Variants in SOCS2 observed in about 807,000 individuals in gnomAD.
SOCS2 encodes the protein CIS-2.
SOCS2 carries 10 observed loss-of-function variants against 18.6 expected under a neutral mutation model. That is an observed-to-expected ratio of 0.54 (90% CI 0.33 to 0.91). SOCS2 has a LOEUF of 0.91. SOCS2 is among the 40% of genes least tolerant of loss of function. The probability of loss-of-function intolerance (pLI) is 0.02; values close to 1 mark genes in which losing one functional copy is unlikely to be tolerated. For synonymous variants in SOCS2, 104 were observed against 104.0 expected (o/e 1.00, Z 0.00); for missense variants, 231 against 247.2 (o/e 0.93, Z 0.44).
At chr12:93,604,433 C>G in the SOCS2 span, among the ~76,000 whole-genome samples, 1 of 151,744 alleles carries the variant, frequency 6.6e-6, no homozygotes, top group Non-Finnish European at 1.5e-5. Context: ...TTTTATTGTT[C>G]AAATTAACAA....
At chr12:93,615,618 C>T in the SOCS2 span, among the ~76,000 whole-genome samples, 18 of 152,296 alleles carry the variant, frequency 1.2e-4, no homozygotes, top group Admixed American at 3.9e-4. Flanking sequence ...TTGTTTGAGA[C>T]AGAGTCTCGA....
At chr12:93,595,008 C>T in the SOCS2 span, among the ~76,000 whole-genome samples, 690 of 152,208 alleles carry the variant, frequency 4.5e-3, 4 homozygotes, top group South Asian at 8.1e-3. Flanking sequence ...GACTTCCTTA[C>T]GTTTGTAAAC....
chr12:93,598,447 GC>G, the SOCS2 span, among the ~76,000 whole-genome samples: 1 of 152,156 alleles, frequency 6.6e-6, no homozygotes, highest in Non-Finnish European at 1.5e-5. Context: ...GCAGGGTCAT[GC>G]CATAGTTATG....
At position 93,575,621 on chromosome 12, in the gene SOCS2, C is replaced by G. The variant is rs1295097902; in HGVS notation, c.*442C>G. On this transcript the variant is annotated 3_prime_UTR_variant, in exon 2 of 2. Coordinates refer to ENST00000551556, the MANE Select transcript of SOCS2 (RefSeq NM_001270471.2). ...ATTTGATATGCCTGCTGATCAGAGT[C>G]TCTTGGGCATTTTATATTTTGCATT... 1 of 153,662 alleles carries G rather than the reference C, an allele frequency of 6.5e-6. No homozygotes were observed. Among genetic ancestry groups the G allele is most frequent in the Non-Finnish European group, 1.5e-5 (1 of 68,816 alleles). The allele number at this position is 153,662 out of a possible 1,614,324, so 9.5% of individuals were successfully genotyped here.
At chr12:93,613,085 G>A in the SOCS2 span, among the ~76,000 whole-genome samples, 2 of 152,216 alleles carry the variant, frequency 1.3e-5, no homozygotes, top group South Asian at 4.1e-4. Context: ...TTCTATCAGA[G>A]CCTGTGTGGA....
downstream of SOCS2, among the ~76,000 whole-genome samples, chr12:93,586,931 G>T (rs573270496): frequency 1.3e-5 from 2 of 152,206 alleles, no homozygotes; most frequent in Non-Finnish European, 2.9e-5. Context: ...ACTTTGGGAG[G>T]CCGACACGGG....
the SOCS2 span, among the ~76,000 whole-genome samples, chr12:93,607,196 C>G: frequency 1.3e-5 from 2 of 152,128 alleles, no homozygotes; most frequent in African/African-American, 4.8e-5. Flanking sequence ...ATCTTGAGAC[C>G]ATAGACTATC....
In SOCS2 at chr12:93,576,263, TA is replaced by T. The variant is rs1464244920; in HGVS notation, c.*1089del. ...CTTTCATGGTAATAGAGGATTGCCA[TA>T]AAAACTTACGTCAAGTGAAATAAGC... On this transcript the variant is annotated 3_prime_UTR_variant, in exon 2 of 2. Transcript: ENST00000551556. The T allele has an allele frequency of 6.6e-6, 1 of 152,632 alleles. No individual in the cohort carries two copies. Among genetic ancestry groups the T allele is most frequent in the East Asian group, 1.9e-4 (1 of 5,204 alleles). The allele number at this position is 152,632 out of a possible 1,614,324, so 9.5% of individuals were successfully genotyped here. A position where few individuals can be genotyped will look rare whatever the true frequency, so the allele number is the denominator to read the frequency against.
At chr12:93,614,413 CT>C in the SOCS2 span, among the ~76,000 whole-genome samples, 3 of 127,988 alleles carry the variant, frequency 2.3e-5, no homozygotes, top group African/African-American at 9.5e-5. Context: ...TTCTTTCTTT[CT>C]TTCTTCCTTT....
the SOCS2 span, among the ~76,000 whole-genome samples, chr12:93,589,564 T>A: frequency 5.9e-5 from 9 of 152,342 alleles, no homozygotes; most frequent in East Asian, 1.5e-3. Flanking sequence ...TGTTTTTGTT[T>A]TGTTTTGTTT....
the SOCS2 span, among the ~76,000 whole-genome samples, chr12:93,625,086 T>C: frequency 6.6e-6 from 1 of 152,364 alleles, no homozygotes; most frequent in South Asian, 2.1e-4. Flanking sequence ...TTCTTTCATA[T>C]CCCTTTAGCA....
chr12:93,577,954 G>A (rs1380600457), downstream of SOCS2, among the ~76,000 whole-genome samples: 1 of 152,198 alleles, frequency 6.6e-6, no homozygotes, highest in Non-Finnish European at 1.5e-5. Context: ...TAGGGCATTT[G>A]TGAGGATATT....
chr12:93,584,386 T>TGCAA (rs1449472247), downstream of SOCS2, among the ~76,000 whole-genome samples: 2 of 152,214 alleles, frequency 1.3e-5, no homozygotes, highest in Non-Finnish European at 1.5e-5. Flanking sequence ...TGGGGTCTAG[T>TGCAA]GCAAGACCTT....
the SOCS2 span, among the ~76,000 whole-genome samples, chr12:93,607,680 TATTTTA>T: frequency 7.2e-5 from 11 of 152,202 alleles, no homozygotes; most frequent in Non-Finnish European, 1.6e-4. Context: ...AAATCAATAC[TATTTTA>T]ATGCAATAGT....
the SOCS2 span, among the ~76,000 whole-genome samples, chr12:93,598,093 T>C: frequency 2.6e-5 from 4 of 152,162 alleles, no homozygotes; most frequent in Non-Finnish European, 2.9e-5. Flanking sequence ...AATGATAATA[T>C]AGGATATCAG....
At chr12:93,622,321 T>C in the SOCS2 span, among the ~76,000 whole-genome samples, 2 of 152,116 alleles carry the variant, frequency 1.3e-5, no homozygotes, top group African/African-American at 4.8e-5. Context: ...AATTTATATC[T>C]CAATTAAGAG....
At chr12:93,622,508 A>G in the SOCS2 span, among the ~76,000 whole-genome samples, 1 of 152,172 alleles carries the variant, frequency 6.6e-6, no homozygotes, top group East Asian at 1.9e-4. Context: ...TCACATGCAG[A>G]TACACGACCA....
the SOCS2 span, among the ~76,000 whole-genome samples, chr12:93,605,690 A>G: frequency 2.0e-4 from 31 of 152,326 alleles, no homozygotes; most frequent in African/African-American, 7.0e-4. Flanking sequence ...TATGAATATC[A>G]CTTGAGTCAG....
At chr12:93,604,916 C>G in the SOCS2 span, among the ~76,000 whole-genome samples, 1 of 151,846 alleles carries the variant, frequency 6.6e-6, no homozygotes, top group Admixed American at 6.6e-5. Context: ...CTGCCTTGGC[C>G]CCCGCAAAGT....
Sources: gnomAD v4.1 joint callset for allele counts (sites outside exome capture counted in the v4.1 genomes callset) on GRCh38, gnomAD v4.1.1 for gene constraint, MANE v1.5 for transcripts, NCBI Gene and HGNC (gene_info 2026-07-23, HGNC 2026-07-21) for gene names.